The following ANKH variants were observed in gnomAD, a reference collection of about 807,000 sequenced individuals.
ANKH encodes ANKH inorganic pyrophosphate transport regulator, also known as mineralization regulator ANKH.
Under a neutral mutation model 49.0 loss-of-function variants are expected in ANKH, and 15 were observed. The observed-to-expected ratio is 0.31, with a 90% confidence interval of 0.20 to 0.47. The LOEUF (loss-of-function observed/expected upper bound fraction) is 0.47. ANKH is among the 20% of genes least tolerant of loss of function. The pLI is 1.00. For missense variants in ANKH, 429 were observed against 652.0 expected, an observed-to-expected ratio of 0.66 and a Z score of 3.72; for synonymous variants, 273 against 260.0, an observed-to-expected ratio of 1.05 and a Z score of -0.48.
intron 1 of ANKH, among the ~76,000 whole-genome samples, chr5:14,862,682 T>C (rs1199037104): frequency 2.6e-5 from 4 of 152,216 alleles, no homozygotes; most frequent in African/African-American, 9.7e-5. Flanking sequence ...TTGTGTGTCA[T>C]AATAAACTCT....
intron 1 of ANKH, among the ~76,000 whole-genome samples, chr5:14,840,158 G>T (rs1290064080): frequency 2.6e-5 from 4 of 152,186 alleles, no homozygotes; most frequent in Non-Finnish European, 5.9e-5. Context: ...ACGCCTCTCT[G>T]AACATGCTGG....
intron 1 of ANKH, among the ~76,000 whole-genome samples, chr5:14,779,351 C>A (rs147316738): frequency 1.1e-3 from 173 of 152,328 alleles, no homozygotes; most frequent in African/African-American, 4.0e-3. Flanking sequence ...AAAAGAAACC[C>A]TCTCTTGACT....
At chr5:14,821,024 G>T (rs985001992) in intron 1 of ANKH, among the ~76,000 whole-genome samples, 1 of 151,702 alleles carries the variant, frequency 6.6e-6, no homozygotes, top group African/African-American at 2.4e-5. Flanking sequence ...CTTGAGCTTG[G>T]GAGATGGAGG....
chr5:14,744,652 C>T (rs531605191), intron 7 of ANKH, among the ~76,000 whole-genome samples: 1 of 152,352 alleles, frequency 6.6e-6, no homozygotes, highest in South Asian at 2.1e-4. Context: ...TGTGGGTGAT[C>T]ACTCCAGGCT....
At chr5:14,805,903 G>A (rs1475687109) in intron 1 of ANKH, among the ~76,000 whole-genome samples, 2 of 152,142 alleles carry the variant, frequency 1.3e-5, no homozygotes, top group Non-Finnish European at 2.9e-5. Flanking sequence ...GGGCCATTTC[G>A]ACTGTGCTTC....
rs988976312 is a variant in ANKH, at chr5:14,710,994, T to C, written c.*203A>G. ...TTCGTTTGTTTTTACATAGCAACAG[T>C]AAAGACCATTCACTAGGTCCCCCCG... On this transcript the variant is annotated 3_prime_UTR_variant, in exon 12 of 12. Transcript: ENST00000284268. 1.0e-5 allele frequency: 6 copies of C among 601,316 alleles called. No homozygotes were observed. In the African/African-American group the frequency reaches 1.1e-4, roughly 11 times the overall value. 37.2% of individuals were successfully genotyped at this position (601,316 alleles called of 1,614,324 possible).
Position 14,713,458 on chromosome 5 carries a change from TC to T in ANKH, c.1265+85del, listed in dbSNP as rs1737317375. ...CCGATTCTAGACGTGCCTGGGGATT[TC>T]CCCTGAAAATGTAGCTGTTAAACCT... is the stretch of plus-strand genomic sequence containing the variant. On this transcript the variant is annotated intron_variant, in intron 10 of 11. Coordinates refer to ENST00000284268, the MANE Select transcript of ANKH (RefSeq NM_054027.6). The surrounding 1 kb of genome is among the most constrained non-coding windows in gnomAD (Gnocchi z 4.4). The T allele has an allele frequency of 6.4e-7, 1 of 1,556,912 alleles. No homozygotes were observed. Among genetic ancestry groups the T allele is most frequent in the Non-Finnish European group, 8.8e-7 (1 of 1,139,686 alleles).
chr5:14,757,506 G>C (rs1346510703), intron 3 of ANKH, among the ~76,000 whole-genome samples: 1 of 138,846 alleles, frequency 7.2e-6, no homozygotes, highest in Non-Finnish European at 1.5e-5. Flanking sequence ...CACTGTTTAA[G>C]CACTCCTCAG....
intron 8 of ANKH, among the ~76,000 whole-genome samples, chr5:14,729,783 C>G (rs192521096): frequency 1.1e-3 from 163 of 152,194 alleles, no homozygotes; most frequent in Non-Finnish European, 1.9e-3. Context: ...ATGGCACTTC[C>G]CAGCAAGTGC....
At chr5:14,832,784 G>T (rs1741540946) in intron 1 of ANKH, among the ~76,000 whole-genome samples, 1 of 152,130 alleles carries the variant, frequency 6.6e-6, no homozygotes, top group Admixed American at 6.5e-5. Context: ...GCAGAAACAA[G>T]ATTCACAATG....
At chr5:14,769,740 T>C (rs1018995820) in intron 1 of ANKH, among the ~76,000 whole-genome samples, 3 of 152,168 alleles carry the variant, frequency 2.0e-5, no homozygotes, top group Non-Finnish European at 4.4e-5. Context: ...AAAGAATTTA[T>C]TATATTCTTC....
chr5:14,846,580 A>C (rs907181710), intron 1 of ANKH, among the ~76,000 whole-genome samples: 9 of 152,248 alleles, frequency 5.9e-5, no homozygotes, highest in Non-Finnish European at 7.3e-5. Flanking sequence ...GTCCCAGAGA[A>C]GCAACTGAGT....
chr5:14,818,641 T>A, intron 1 of ANKH, among the ~76,000 whole-genome samples: 1 of 56,148 alleles, frequency 1.8e-5, no homozygotes, highest in East Asian at 6.9e-4. Flanking sequence ...CAAAACTCCA[T>A]CTCAAAAAAA....
intron 1 of ANKH, among the ~76,000 whole-genome samples, chr5:14,825,239 A>T (rs1342923655): frequency 6.6e-6 from 1 of 152,274 alleles, no homozygotes; most frequent in Admixed American, 6.5e-5. Context: ...ACGCTGGTAC[A>T]CAGAAATTCT....
At chr5:14,740,506 T>G (rs1054051549) in intron 8 of ANKH, among the ~76,000 whole-genome samples, 8 of 152,050 alleles carry the variant, frequency 5.3e-5, no homozygotes, top group African/African-American at 1.9e-4. Flanking sequence ...CTGGAATAGG[T>G]TCCCAACGCC....
chr5:14,786,100 AT>A (rs1228961578), intron 1 of ANKH, among the ~76,000 whole-genome samples: 2 of 151,942 alleles, frequency 1.3e-5, no homozygotes, highest in Non-Finnish European at 2.9e-5. Context: ...AAGTAAAAAA[AT>A]AACGTCTATT....
chr5:14,714,930 G>T (rs1002077601), intron 9 of ANKH, among the ~76,000 whole-genome samples: 3 of 152,222 alleles, frequency 2.0e-5, no homozygotes, highest in Non-Finnish European at 2.9e-5. Context: ...CTCAATCTGC[G>T]AGTGCAGCTG....
chr5:14,868,949 C>T (rs1580128601), intron 1 of ANKH: 1 of 152,174 alleles, frequency 6.6e-6, no homozygotes. Context: ...GGCCTTTGTA[C>T]TCCCGTGCTA....
At chr5:14,717,229 T>C (rs1737502852) in intron 8 of ANKH, 2 of 276,658 alleles carry the variant, frequency 7.2e-6, no homozygotes, top group Admixed American at 4.5e-5. Context: ...TAACAAGCAA[T>C]AAAAAAAGAC....
Sources: gnomAD v4.1 joint callset for allele counts (sites outside exome capture counted in the v4.1 genomes callset) on GRCh38, gnomAD v4.1.1 for gene constraint, Gnocchi (gnomAD v3.1) non-coding constraint, MANE v1.5 for transcripts, NCBI Gene and HGNC (gene_info 2026-07-23, HGNC 2026-07-21) for gene names.